The following UPF1 variants were observed in gnomAD, a reference collection of about 807,000 sequenced individuals.
The protein encoded by UPF1 is regulator of nonsense transcripts 1.
A neutral mutation model predicts 129.2 loss-of-function variants in UPF1; 9 were observed. That is an observed-to-expected ratio of 0.07 (90% CI 0.04 to 0.12). UPF1 has a LOEUF of 0.12. UPF1 is among the 10% of genes least tolerant of loss of function. The probability of loss-of-function intolerance (pLI) is 1.00; values close to 1 mark genes in which losing one functional copy is unlikely to be tolerated. For missense variants in UPF1, 788 were observed against 1,525.3 expected (o/e 0.52, Z 8.05); for synonymous variants, 649 against 644.9 (o/e 1.01, Z -0.10).
intron 1 of UPF1, among the ~76,000 whole-genome samples, chr19:18,837,703 A>G (rs990099212): frequency 5.3e-5 from 8 of 152,172 alleles, no homozygotes; most frequent in Admixed American, 2.0e-4. Flanking sequence ...CCTTGTAGAT[A>G]GATGCTGCTT....
chr19:18,852,976 C>T lies in UPF1; in HGVS notation c.973-11C>T. 2 of 1,610,602 alleles carry T rather than the reference C, an allele frequency of 1.2e-6. No homozygotes were observed. The highest frequency in any genetic ancestry group is 1.7e-6 in the Non-Finnish European group (2 of 1,177,672). Reference sequence around the variant, plus strand: ...GAGGCTAACCGGGGCTCTTGTTTTTCATGTGCTCAGACTCAAGATAACATC... The same window carrying T: ...GAGGCTAACCGGGGCTCTTGTTTTTTATGTGCTCAGACTCAAGATAACATC... On this transcript the variant is annotated splice_polypyrimidine_tract_variant and intron_variant, in intron 6 of 23. Transcript: ENST00000262803.
chr19:18,860,733 G>C, intron 16 of UPF1, 93 bp from the exon 17 acceptor site: 1 of 1,524,452 alleles, frequency 6.6e-7, no homozygotes, highest in Non-Finnish European at 8.8e-7. Context: ...CTGCCTTCCC[G>C]CAGGGTGTTG....
At chr19:18,855,371 G>T in intron 11 of UPF1, 129 bp downstream of exon 11, 1 of 960,400 alleles carries the variant, frequency 1.0e-6, no homozygotes, top group Non-Finnish European at 1.5e-6. Context: ...TGTCGCCATG[G>T]TGCCTACCGC....
intron 14 of UPF1, 73 bp downstream of exon 14, chr19:18,857,093 C>T: frequency 6.4e-7 from 1 of 1,560,430 alleles, no homozygotes; most frequent in Non-Finnish European, 8.7e-7. Flanking sequence ...TTTAAAACAC[C>T]TTGTATTGAC....
rs2055647313 is a variant in UPF1 at position 18,850,543 on chromosome 19, TACTA to T, written c.630-142_630-139del. On this transcript the variant is annotated intron_variant, in intron 4 of 23. Coordinates refer to ENST00000262803, the MANE Select transcript of UPF1 (RefSeq NM_002911.4). This position sits in a 1 kb window ranked among gnomAD's most constrained non-coding sequence, Gnocchi z 7.1. The stretch of plus-strand genomic sequence containing the variant: ...AAGTGCACAGGGAGATGCGATTTAT[TACTA>T]ACAGTTTGAAGGTAATGTGATCACA... 2.1e-6 allele frequency: 2 copies of T among 942,024 alleles called. No individual in the cohort carries two copies. Among genetic ancestry groups the T allele is most frequent in the Non-Finnish European group, 3.0e-6 (2 of 660,078 alleles). The allele number at this position is 942,024 out of a possible 1,614,324, so 58.4% of individuals were successfully genotyped here. A position where few individuals can be genotyped will look rare whatever the true frequency, so the allele number is the denominator to read the frequency against.
chr19:18,855,501 G>A (rs969978342), intron 11 of UPF1: 13 of 570,702 alleles, frequency 2.3e-5, no homozygotes, highest in Non-Finnish European at 3.7e-5. Flanking sequence ...CGTGAGTTCC[G>A]TGTGCGGCAC....
At chr19:18,864,277 C>A (rs1251043129) in intron 20 of UPF1, 26 bp downstream of exon 20, 7 of 1,594,082 alleles carry the variant, frequency 4.4e-6, no homozygotes, top group Non-Finnish European at 6.0e-6. Flanking sequence ...GGGGACCTGG[C>A]CGACCCCTTG....
intron 1 of UPF1, among the ~76,000 whole-genome samples, chr19:18,838,138 A>G (rs1035989861): frequency 6.6e-6 from 1 of 152,238 alleles, no homozygotes; most frequent in Non-Finnish European, 1.5e-5. Flanking sequence ...AGGCGGGGTG[A>G]GTTCCATACA....
At position 18,864,156 on chromosome 19, in the gene UPF1, C is replaced by G. The variant is rs769274577; in HGVS notation, c.2776-14C>G. ...TTGAGATGACAAATTCCTCACCTAT[C>G]TAAACCTTCGCAGGGAGCCCGCTTC... On this transcript the variant is annotated splice_polypyrimidine_tract_variant and intron_variant, in intron 19 of 23. Coordinates refer to ENST00000262803, the MANE Select transcript of UPF1 (RefSeq NM_002911.4). The G allele has an allele frequency of 6.2e-7, 1 of 1,613,510 alleles. No individual in the cohort carries two copies. Among genetic ancestry groups the G allele is most frequent in the South Asian group, 1.1e-5 (1 of 91,056 alleles).
At position 18,862,066 on chromosome 19, in the gene UPF1, C is replaced by T. The variant is rs761951831; in HGVS notation, c.2514C>T (p.Ile838=). 33 of 1,614,000 alleles carry T rather than the reference C, an allele frequency of 2.0e-5. No individual in the cohort carries two copies. The highest frequency in any genetic ancestry group is 1.6e-4 in the Middle Eastern group (1 of 6,084). The change falls in exon 18 of 24, where the codon ATC becomes ATT. Residue 838 remains isoleucine, a synonymous_variant. Coordinates refer to ENST00000262803, the MANE Select transcript of UPF1 (RefSeq NM_002911.4). ...AGGGACGCGAGAAGGACTTCATCAT[C>T]CTGTCCTGTGTGCGGGCCAACGAGC... ...AFQGREKDFI[I]LSCVRANEHQ... is the part of the protein sequence containing the mutation.
rs758616235 is a variant in UPF1 at position 18,860,338 on chromosome 19, G to A, written c.2200G>A (p.Gly734Arg). ...GVTAADRVKK[G>R]FDFQWPQPDK... ...CCTCACAGCGGATCGTGTGAAGAAG[G>A]GATTTGACTTCCAGTGGCCCCAACC... The change falls in exon 16 of 24, where the codon GGA becomes AGA. Residue 734 changes from glycine (G) to arginine (R), a missense_variant. Transcript: ENST00000262803. 1 of 1,614,132 alleles carries A rather than the reference G, an allele frequency of 6.2e-7. No individual in the cohort carries two copies.
Position 18,853,433 on chromosome 19 carries a change from G to A in UPF1, c.1156+83G>A. 1 of 1,330,852 alleles carries A rather than the reference G, an allele frequency of 7.5e-7. No individual in the cohort carries two copies. The allele number at this position is 1,330,852 out of a possible 1,614,324, so 82.4% of individuals were successfully genotyped here. ...AGGTGGAGGCCACTGTGGATTTGAT[G>A]CTCACTGCTGGGCCAGCATCTCATG... On this transcript the variant is annotated intron_variant, in intron 8 of 23. Coordinates refer to ENST00000262803, the MANE Select transcript of UPF1 (RefSeq NM_002911.4). The surrounding 1 kb of genome is among the most constrained non-coding windows in gnomAD (Gnocchi z 4.4).
In UPF1 at chr19:18,857,431, C is replaced by T. The variant is rs866753538; in HGVS notation, c.2080C>T (p.Arg694Trp). 6.2e-7 allele frequency: 1 copy of T among 1,613,610 alleles called. No homozygotes were observed. Among genetic ancestry groups the T allele is most frequent in the Non-Finnish European group, 8.5e-7 (1 of 1,180,008 alleles). The part of the protein sequence containing the change: ...LFERLVVLGI[R>W]PIRLQVQYRM... Reference sequence around the variant, plus strand: ...CGAGCGCCTGGTGGTGCTGGGCATCCGGCCCATCCGCCTGCAGGTCCAGTA... The same window carrying T: ...CGAGCGCCTGGTGGTGCTGGGCATCTGGCCCATCCGCCTGCAGGTCCAGTA... The change falls in exon 15 of 24, where the codon CGG becomes TGG. Residue 694 changes from arginine to tryptophan, a missense_variant. Physicochemically the swap from Arg to Trp is moderately radical, Grantham distance 101. This residue lies in a region of UPF1 where 140 missense variants were observed against 385.9 expected (regional missense o/e 0.36). Transcript: ENST00000262803.
intron 9 of UPF1, 62 bp downstream of exon 9, chr19:18,854,771 C>A: frequency 6.2e-7 from 1 of 1,604,618 alleles, no homozygotes; most frequent in Non-Finnish European, 8.5e-7. Context: ...TCTTTATGAG[C>A]CCTCCCCGTC....
chr19:18,841,111 C>T (rs1336394636), intron 1 of UPF1, among the ~76,000 whole-genome samples: 1 of 152,270 alleles, frequency 6.6e-6, no homozygotes, highest in Non-Finnish European at 1.5e-5. Context: ...GATCCATGCG[C>T]ATAGCTTGCA....
At chr19:18,848,796 A>T (rs1474831789) in intron 3 of UPF1, among the ~76,000 whole-genome samples, 1 of 152,218 alleles carries the variant, frequency 6.6e-6, no homozygotes, top group East Asian at 1.9e-4. Context: ...TATCTTCTGG[A>T]TAACCAAAAG....
chr19:18,851,732 G>A lies in UPF1; in HGVS notation c.811-403G>A, dbSNP rs1209230693. On this transcript the variant is annotated intron_variant, in intron 5 of 23. Transcript: ENST00000262803. This position sits in a 1 kb window ranked among gnomAD's most constrained non-coding sequence, Gnocchi z 4.2. ...AGCGAGAGAAACCGGTGGTCTTTGT[G>A]GCAGCCTGCGAGGCGGGTTAGCTGC... Among the ~76,000 whole-genome samples, 2 of 152,156 alleles carry A rather than the reference G, an allele frequency of 1.3e-5. No individual in the cohort carries two copies. Among genetic ancestry groups the A allele is most frequent in the Non-Finnish European group, 1.5e-5 (1 of 68,020 alleles).
rs780480618 is a variant in UPF1, at chr19:18,852,121, T to G, written c.811-14T>G. ...AAAACAGGACGAGTGTGGCGCGGTG[T>G]TGTTGTCTTCTAGGAAAACCCTTCT... On this transcript the variant is annotated splice_polypyrimidine_tract_variant and intron_variant, in intron 5 of 23. Transcript: ENST00000262803. The G allele has an allele frequency of 7.5e-6, 12 of 1,598,398 alleles. No individual in the cohort carries two copies. Among genetic ancestry groups the G allele is most frequent in the Admixed American group, 1.8e-5 (1 of 56,548 alleles).
chr19:18,837,073 C>T (rs2055491578), intron 1 of UPF1, among the ~76,000 whole-genome samples: 1 of 151,920 alleles, frequency 6.6e-6, no homozygotes, highest in Non-Finnish European at 1.5e-5. Context: ...TTTTAAAAGG[C>T]TGAAAGTGCT....
Sources: allele counts gnomAD v4.1 joint callset (sites outside exome capture counted in the v4.1 genomes callset), GRCh38; gene constraint gnomAD v4.1.1; regional missense constraint gnomAD v4.1.1; non-coding constraint Gnocchi (gnomAD v3.1); transcripts MANE v1.5; gene names NCBI Gene and HGNC (gene_info 2026-07-23, HGNC 2026-07-21).